Variants in TMX3 observed in about 807,000 individuals in gnomAD.
The protein encoded by TMX3 is protein disulfide-isomerase TMX3.
In TMX3, 40 loss-of-function variants were observed where a neutral mutation model predicts 64.4. That is an observed-to-expected ratio of 0.62 (90% confidence interval 0.48 to 0.81). TMX3 has a LOEUF of 0.81. Among genes scored for constraint, TMX3 ranks in the 30% least tolerant of loss-of-function variants. The pLI is 0.00. For missense variants in TMX3, 497 were observed against 534.5 expected (o/e 0.93, Z 0.69); for synonymous variants, 189 against 175.7 (o/e 1.08, Z -0.60).
At chr18:68,698,968 G>T (rs1440502077) in intron 6 of TMX3, among the ~76,000 whole-genome samples, 22 of 151,042 alleles carry the variant, frequency 1.5e-4, no homozygotes, top group Non-Finnish European at 2.7e-4. Flanking sequence ...CTTGCAGTGA[G>T]CCGAGACAGC....
rs779277242 is a variant in TMX3 at position 68,710,142 on chromosome 18, A to T, written c.144T>A (p.Phe48Leu). The T allele has an allele frequency of 6.5e-7, 1 of 1,537,418 alleles. No individual in the cohort carries two copies. Among genetic ancestry groups the T allele is most frequent in the Non-Finnish European group, 8.7e-7 (1 of 1,147,112 alleles). ...TACAATGGCCACACCATGGCGCATA[A>T]AACTTGTTTTAAAAAAACAAACAAC... ...NRNDDIWLVD[F>L]YAPWCGHCKK... Residue 48 changes from phenylalanine to leucine, a missense_variant and splice_region_variant, in exon 4 of 16, where the codon TTT becomes TTA. Coordinates refer to ENST00000299608, the MANE Select transcript of TMX3 (RefSeq NM_019022.5).
At chr18:68,687,354 C>A in intron 10 of TMX3, 1 of 985,368 alleles carries the variant, frequency 1.0e-6, no homozygotes, top group Non-Finnish European at 1.2e-6. Context: ...TATTTTAACT[C>A]CTATTACAAA....
chr18:68,679,384 A>G (rs1913210307), intron 15 of TMX3, 79 bp downstream of exon 15: 2 of 1,215,422 alleles, frequency 1.6e-6, no homozygotes, highest in East Asian at 4.9e-5. Flanking sequence ...AATCTTTTCA[A>G]ATTCAGATTT....
At chr18:68,679,598 A>G in intron 14 of TMX3, 67 bp from the exon 15 acceptor site, 1 of 1,397,500 alleles carries the variant, frequency 7.2e-7, no homozygotes, top group Non-Finnish European at 9.9e-7. Flanking sequence ...GTGTTACATA[A>G]CCTTACAATT....
chr18:68,694,463 C>G, intron 8 of TMX3, among the ~76,000 whole-genome samples: 1 of 152,166 alleles, frequency 6.6e-6, no homozygotes, highest in East Asian at 1.9e-4. Flanking sequence ...CCTGGCTGTG[C>G]GCAGTGGCCA....
Position 68,679,547 on chromosome 18 carries a change from A to T in TMX3, c.1036-16T>A. On this transcript the variant is annotated splice_polypyrimidine_tract_variant and intron_variant, in intron 14 of 15. Coordinates refer to ENST00000299608, the MANE Select transcript of TMX3 (RefSeq NM_019022.5). ...CTCCTTGGGCCTTCAAAAAAGGAAA[A>T]GAAAAATAAATTATTTAAGCACCAT... 2 of 1,604,102 alleles carry T rather than the reference A, an allele frequency of 1.2e-6. No homozygotes were observed. Among genetic ancestry groups the T allele is most frequent in the Non-Finnish European group, 1.7e-6 (2 of 1,175,104 alleles).
chr18:68,703,925 G>A (rs2030390080), intron 4 of TMX3, among the ~76,000 whole-genome samples: 1 of 151,878 alleles, frequency 6.6e-6, no homozygotes, highest in African/African-American at 2.4e-5. Flanking sequence ...GTGAGACTCT[G>A]TCTCAAAACA....
chr18:68,711,907 C>G (rs2031317156), intron 2 of TMX3, among the ~76,000 whole-genome samples: 1 of 152,170 alleles, frequency 6.6e-6, no homozygotes, highest in Admixed American at 6.5e-5. Context: ...GATCACTCCC[C>G]TGAAGATGTG....
intron 8 of TMX3, among the ~76,000 whole-genome samples, chr18:68,691,989 A>G (rs1914569106): frequency 1.3e-5 from 2 of 152,228 alleles, no homozygotes; most frequent in South Asian, 4.1e-4. Context: ...GAAAATAATG[A>G]CAAATAAGTA....
intron 8 of TMX3, among the ~76,000 whole-genome samples, chr18:68,691,583 T>C (rs1914528893): frequency 6.6e-6 from 1 of 152,184 alleles, no homozygotes; most frequent in South Asian, 2.1e-4. Context: ...TTTGCTATAG[T>C]AAAAACCATG....
chr18:68,698,530 CAA>C (rs1915339147), intron 6 of TMX3, among the ~76,000 whole-genome samples: 1 of 151,358 alleles, frequency 6.6e-6, no homozygotes, highest in South Asian at 2.1e-4. Flanking sequence ...GGTTAAAATC[CAA>C]AGAGTATAAA....
intron 14 of TMX3, among the ~76,000 whole-genome samples, chr18:68,680,716 C>A (rs1023216597): frequency 1.3e-5 from 2 of 152,110 alleles, no homozygotes; most frequent in Non-Finnish European, 2.9e-5. Context: ...CCCTCCCCAT[C>A]ACCATGACAA....
At chr18:68,712,746 C>A (rs1242857491) in intron 2 of TMX3, among the ~76,000 whole-genome samples, 1 of 152,048 alleles carries the variant, frequency 6.6e-6, no homozygotes, top group Non-Finnish European at 1.5e-5. Flanking sequence ...TGTTAACAAT[C>A]GTTCTTCTCA....
intron 8 of TMX3, among the ~76,000 whole-genome samples, chr18:68,696,099 C>G (rs775363146): frequency 1.6e-4 from 24 of 152,140 alleles, no homozygotes; most frequent in Non-Finnish European, 2.9e-4. Flanking sequence ...ATTTCTTGAC[C>G]AATCAACCTA....
At chr18:68,714,570 G>C (rs2031706590) in intron 1 of TMX3, 2 of 336,418 alleles carry the variant, frequency 5.9e-6, no homozygotes, top group Admixed American at 5.0e-5. Context: ...AACGTGACAA[G>C]ACTCGGAACC....
At chr18:68,695,161 C>T (rs921645216) in intron 8 of TMX3, among the ~76,000 whole-genome samples, 1 of 152,158 alleles carries the variant, frequency 6.6e-6, no homozygotes, top group Non-Finnish European at 1.5e-5. Context: ...CTCTGAAAAC[C>T]ACCAACAACC....
intron 3 of TMX3, 136 bp from the exon 4 acceptor site, chr18:68,710,280 T>C: frequency 1.2e-6 from 1 of 868,886 alleles, no homozygotes; most frequent in Non-Finnish European, 1.6e-6. Flanking sequence ...GAAGTTTAAA[T>C]ATAATTTTTA....
intron 9 of TMX3, chr18:68,688,419 TATA>T (rs1208726761): frequency 3.9e-5 from 6 of 152,156 alleles, no homozygotes; most frequent in African/African-American, 9.7e-5. Context: ...AGATAGAAAA[TATA>T]ATATCTAAGA....
At chr18:68,712,240 T>C (rs1261419015) in intron 2 of TMX3, among the ~76,000 whole-genome samples, 1 of 152,116 alleles carries the variant, frequency 6.6e-6, no homozygotes, top group African/African-American at 2.4e-5. Context: ...CACAGGAACA[T>C]TACAGACAGA....
Sources: gnomAD v4.1 joint callset for allele counts (sites outside exome capture counted in the v4.1 genomes callset) on GRCh38, gnomAD v4.1.1 for gene constraint, MANE v1.5 for transcripts, NCBI Gene and HGNC (gene_info 2026-07-23, HGNC 2026-07-21) for gene names.